Variants in CACNA2D3 observed in about 807,000 individuals in gnomAD.
The protein encoded by CACNA2D3 is calcium voltage-gated channel auxiliary subunit alpha2delta 3.
CACNA2D3 carries 60 observed loss-of-function variants against 160.6 expected under a neutral mutation model. The ratio of observed to expected loss-of-function variants is 0.37; its 90% CI spans 0.30 to 0.46. The LOEUF is 0.46. Ranked by LOEUF, CACNA2D3 falls within the 20% of genes least tolerant of loss-of-function variation. The probability of loss-of-function intolerance (pLI) is 1.00; values close to 1 mark genes in which losing one functional copy is unlikely to be tolerated. For synonymous variants in CACNA2D3, 558 were observed against 492.9 expected (o/e 1.13, Z -1.75); for missense variants, 1,205 against 1,365.0 (o/e 0.88, Z 1.85).
intron 17 of CACNA2D3, among the ~76,000 whole-genome samples, chr3:54,859,972 G>GCGTGCACA (rs535185040): frequency 7.5e-6 from 1 of 133,788 alleles, no homozygotes; most frequent in Non-Finnish European, 1.6e-5. Context: ...GAAAGTAGAT[G>GCGTGCACA]CACACACACA....
intron 4 of CACNA2D3, among the ~76,000 whole-genome samples, chr3:54,473,286 G>A (rs1189304734): frequency 6.6e-6 from 1 of 152,128 alleles, no homozygotes; most frequent in Non-Finnish European, 1.5e-5. Context: ...ATGGGGAAAG[G>A]ATTCCCTATT....
intron 4 of CACNA2D3, among the ~76,000 whole-genome samples, chr3:54,453,860 A>G (rs1700351876): frequency 6.6e-6 from 1 of 152,198 alleles, no homozygotes; most frequent in Non-Finnish European, 1.5e-5. Flanking sequence ...CTGTCCCCAC[A>G]TGTTGGGGAG....
At chr3:54,274,215 C>CATAT (rs148715563) in intron 2 of CACNA2D3, among the ~76,000 whole-genome samples, 32 of 149,898 alleles carry the variant, frequency 2.1e-4, no homozygotes, top group African/African-American at 7.3e-4. Flanking sequence ...GATTTCTATG[C>CATAT]ATATATATAT....
rs566368087 is a variant in CACNA2D3 at position 54,151,539 on chromosome 3, T to C, written c.204+27945T>C. Reference sequence around the variant, plus strand: ...GCCATTCTCCTGGGCAGTTGTTCTATCTCCTCACCTAAGTCCATATATCTA... The same window carrying C: ...GCCATTCTCCTGGGCAGTTGTTCTACCTCCTCACCTAAGTCCATATATCTA... On this transcript the variant is annotated intron_variant, in intron 2 of 37. Coordinates refer to ENST00000474759, the MANE Select transcript of CACNA2D3 (RefSeq NM_018398.3). 1.4e-3 allele frequency among the ~76,000 whole-genome samples: 218 copies of C among 152,232 alleles called. 2 individuals carry two copies. Among genetic ancestry groups the C allele is most frequent in the African/African-American group, 5.0e-3 (206 of 41,530 alleles).
intron 9 of CACNA2D3, among the ~76,000 whole-genome samples, chr3:54,602,385 C>A (rs901653769): frequency 6.6e-6 from 1 of 150,778 alleles, no homozygotes. Context: ...GTAGTCCCAG[C>A]TACTCGGGAG....
intron 2 of CACNA2D3, among the ~76,000 whole-genome samples, chr3:54,166,935 C>T (rs376697955): frequency 1.2e-4 from 18 of 151,982 alleles, no homozygotes; most frequent in Non-Finnish European, 7.4e-5. Flanking sequence ...TAATATTTTG[C>T]GGGAAGATTT....
intron 4 of CACNA2D3, among the ~76,000 whole-genome samples, chr3:54,489,704 G>T (rs1306631997): frequency 6.6e-6 from 1 of 152,242 alleles, no homozygotes; most frequent in Non-Finnish European, 1.5e-5. Flanking sequence ...CCAGTGGCCA[G>T]CGAGGCCTGC....
intron 5 of CACNA2D3, among the ~76,000 whole-genome samples, chr3:54,533,853 C>G (rs973572872): frequency 6.6e-6 from 1 of 151,608 alleles, no homozygotes; most frequent in Non-Finnish European, 1.5e-5. Flanking sequence ...AATGTTGAAG[C>G]AAGTGGGATA....
chr3:54,303,131 CAT>C (rs539906208), intron 2 of CACNA2D3, among the ~76,000 whole-genome samples: 34 of 152,126 alleles, frequency 2.2e-4, no homozygotes, highest in Non-Finnish European at 4.4e-4. Context: ...TGTATAATGA[CAT>C]GTGTGTTCTG....
chr3:54,962,680 C>G (rs1167617676), intron 27 of CACNA2D3, among the ~76,000 whole-genome samples: 1 of 152,178 alleles, frequency 6.6e-6, no homozygotes, highest in Non-Finnish European at 1.5e-5. Context: ...GTTCTCGCAG[C>G]AAAACAACTC....
chr3:55,038,209 A>G (rs1703873354), intron 35 of CACNA2D3, among the ~76,000 whole-genome samples: 1 of 152,222 alleles, frequency 6.6e-6, no homozygotes, highest in Admixed American at 6.5e-5. Flanking sequence ...AATCCATGCT[A>G]AGACCCATGC....
chr3:54,638,407 G>T (rs1026747007), intron 10 of CACNA2D3: 1 of 152,020 alleles, frequency 6.6e-6, no homozygotes, highest in African/African-American at 2.4e-5. Flanking sequence ...GCAGGTCGGG[G>T]AGGGCTAGTC....
intron 35 of CACNA2D3, among the ~76,000 whole-genome samples, chr3:55,067,632 G>A (rs1704693003): frequency 6.6e-6 from 1 of 152,150 alleles, no homozygotes; most frequent in Non-Finnish European, 1.5e-5. Context: ...GTTACTCCCT[G>A]TCACAGTCCT....
chr3:54,713,490 G>A (rs573334509), intron 11 of CACNA2D3, among the ~76,000 whole-genome samples: 2 of 152,334 alleles, frequency 1.3e-5, no homozygotes, highest in African/African-American at 4.8e-5. Flanking sequence ...GCCTGTGTAA[G>A]AGAAGGAGTG....
At chr3:55,056,401 T>C (rs1048924998) in intron 35 of CACNA2D3, among the ~76,000 whole-genome samples, 7 of 152,182 alleles carry the variant, frequency 4.6e-5, no homozygotes, top group African/African-American at 1.7e-4. Context: ...GTATGGAGTT[T>C]CCTTAAAAAC....
intron 11 of CACNA2D3, among the ~76,000 whole-genome samples, chr3:54,730,184 AACT>A: frequency 6.6e-6 from 1 of 152,316 alleles, no homozygotes; most frequent in African/African-American, 2.4e-5. Flanking sequence ...TTACATGTTC[AACT>A]TTGCTGTCCA....
chr3:54,566,455 C>A (rs1324884664), intron 6 of CACNA2D3, among the ~76,000 whole-genome samples: 1 of 152,170 alleles, frequency 6.6e-6, no homozygotes, highest in African/African-American at 2.4e-5. Flanking sequence ...CTGTGGGACC[C>A]GTTTTCTACC....
chr3:54,461,777 T>C (rs1327582762), intron 4 of CACNA2D3, among the ~76,000 whole-genome samples: 1 of 152,094 alleles, frequency 6.6e-6, no homozygotes, highest in East Asian at 1.9e-4. Flanking sequence ...TCTGTTTCCT[T>C]CAGTTCTGCT....
chr3:54,874,109 A>G (rs1306154071), intron 18 of CACNA2D3, among the ~76,000 whole-genome samples: 1 of 152,206 alleles, frequency 6.6e-6, no homozygotes, highest in Admixed American at 6.5e-5. Flanking sequence ...GAATTTAGTA[A>G]CCACAGTTAT....
Sources: allele counts gnomAD v4.1 joint callset (sites outside exome capture counted in the v4.1 genomes callset), GRCh38; gene constraint gnomAD v4.1.1; transcripts MANE v1.5; gene names NCBI Gene and HGNC (gene_info 2026-07-23, HGNC 2026-07-21).